Variants in ZFAND3 observed in about 807,000 individuals in gnomAD.
The protein encoded by ZFAND3 is AN1-type zinc finger protein 3.
In ZFAND3, 10 loss-of-function variants were observed where a neutral mutation model predicts 29.6. That is an observed-to-expected ratio of 0.34 (90% confidence interval 0.21 to 0.57). The LOEUF (loss-of-function observed/expected upper bound fraction) is 0.57, where lower values mean the gene tolerates loss of function less well. Ranked by LOEUF, ZFAND3 falls within the 20% of genes least tolerant of loss-of-function variation. ZFAND3 has a pLI of 0.86. For synonymous variants in ZFAND3, 128 were observed against 112.6 expected (o/e 1.14, Z -0.87); for missense variants, 230 against 304.5 (o/e 0.76, Z 1.82).
intron 4 of ZFAND3, among the ~76,000 whole-genome samples, chr6:38,086,352 C>T (rs1326957978): frequency 6.6e-6 from 1 of 152,168 alleles, no homozygotes; most frequent in Non-Finnish European, 1.5e-5. Flanking sequence ...TCCCACTCCA[C>T]CCCACCCCTA....
At chr6:38,066,481 G>T (rs569293041) in intron 3 of ZFAND3, among the ~76,000 whole-genome samples, 1 of 152,358 alleles carries the variant, frequency 6.6e-6, no homozygotes, top group African/African-American at 2.4e-5. Flanking sequence ...GAAGTAAGAT[G>T]TAGCAGTTGT....
At chr6:38,090,689 T>TC (rs1340262656) in intron 4 of ZFAND3, among the ~76,000 whole-genome samples, 1 of 152,202 alleles carries the variant, frequency 6.6e-6, no homozygotes, top group Admixed American at 6.5e-5. Context: ...CTAATTGCTT[T>TC]CCCTTGGGTT....
intron 5 of ZFAND3, among the ~76,000 whole-genome samples, chr6:38,140,192 T>C (rs1027569547): frequency 1.3e-5 from 2 of 152,252 alleles, no homozygotes; most frequent in East Asian, 1.9e-4. Context: ...TACACAGATA[T>C]GGAGCTCCAA....
intron 2 of ZFAND3, among the ~76,000 whole-genome samples, chr6:37,980,117 T>C (rs1038296122): frequency 2.0e-5 from 3 of 151,888 alleles, no homozygotes; most frequent in Non-Finnish European, 4.4e-5. Context: ...GCCAAGACAA[T>C]TGTAGGGCTG....
chr6:37,829,202 CCTG>C lies in ZFAND3; in HGVS notation c.71+9187_71+9189del, dbSNP rs1374671284. 2.6e-5 allele frequency among the ~76,000 whole-genome samples: 4 copies of C among 151,416 alleles called. 1 individual carries two copies. The highest frequency in any genetic ancestry group is 2.9e-5 in the Non-Finnish European group (2 of 67,936). On this transcript the variant is annotated intron_variant, in intron 1 of 5. Transcript: ENST00000287218. ...CCTGTAAATCGCCACTGCACTCCAG[CCTG>C]GGTAACATAATGAGGCTTTGTTGCT...
At chr6:38,119,700 C>A (rs138686334) in intron 5 of ZFAND3, among the ~76,000 whole-genome samples, 6 of 152,350 alleles carry the variant, frequency 3.9e-5, no homozygotes, top group Non-Finnish European at 5.9e-5. Context: ...GAATCCTCCG[C>A]CCCAGGGCTG....
chr6:38,126,938 A>G (rs1317435685), intron 5 of ZFAND3, among the ~76,000 whole-genome samples: 2 of 150,046 alleles, frequency 1.3e-5, no homozygotes, highest in Non-Finnish European at 3.0e-5. Context: ...TTTTTTTGCT[A>G]CCACTTAGAA....
intron 1 of ZFAND3, among the ~76,000 whole-genome samples, chr6:37,862,346 T>C (rs954346258): frequency 6.6e-6 from 1 of 152,078 alleles, no homozygotes; most frequent in African/African-American, 2.4e-5. Flanking sequence ...ATGTACATTT[T>C]GATATTTTCA....
At position 38,103,402 on chromosome 6, in the gene ZFAND3, T is replaced by C. The variant is rs7452628; in HGVS notation, c.362-13170T>C. Among the ~76,000 whole-genome samples the C allele has an allele frequency of 0.024, 3,488 of 147,536 alleles. 209 individuals are homozygous for C. In the East Asian group the frequency reaches 0.26, roughly 11 times the overall value. On this transcript the variant is annotated intron_variant, in intron 4 of 5. Coordinates refer to ENST00000287218, the MANE Select transcript of ZFAND3 (RefSeq NM_021943.3). The stretch of plus-strand genomic sequence containing the variant: ...ATATATATACACACACACATATATA[T>C]ACACACACACGTATATACACACACA...
chr6:38,019,111 C>G (rs1373304044), intron 2 of ZFAND3, among the ~76,000 whole-genome samples: 8 of 152,102 alleles, frequency 5.3e-5, no homozygotes, highest in Admixed American at 5.2e-4. Flanking sequence ...AGGCATCTGC[C>G]ACTACGCCCA....
chr6:38,144,227 A>ATTT (rs1766051946), intron 5 of ZFAND3, among the ~76,000 whole-genome samples: 1 of 80,136 alleles, frequency 1.2e-5, no homozygotes, highest in South Asian at 3.4e-4. Context: ...TAATATATAT[A>ATTT]TATATTTTTT....
At chr6:37,908,021 A>T (rs1765441473) in intron 1 of ZFAND3, among the ~76,000 whole-genome samples, 1 of 152,144 alleles carries the variant, frequency 6.6e-6, no homozygotes, top group African/African-American at 2.4e-5. Flanking sequence ...TGTCCCAAAA[A>T]TGTCTTCTGT....
At chr6:38,028,866 G>C (rs540173752) in intron 2 of ZFAND3, among the ~76,000 whole-genome samples, 1 of 152,238 alleles carries the variant, frequency 6.6e-6, no homozygotes, top group African/African-American at 2.4e-5. Context: ...TCTTTGTGAA[G>C]CAAGGCATGG....
chr6:38,108,635 A>G (rs1765254727), intron 4 of ZFAND3, among the ~76,000 whole-genome samples: 1 of 152,138 alleles, frequency 6.6e-6, no homozygotes, highest in Non-Finnish European at 1.5e-5. Context: ...GACTTATCCC[A>G]CCTTCTTCCT....
chr6:38,008,900 T>C (rs1763097619), intron 2 of ZFAND3, among the ~76,000 whole-genome samples: 1 of 152,202 alleles, frequency 6.6e-6, no homozygotes, highest in African/African-American at 2.4e-5. Context: ...CTAATGGATA[T>C]GTAAATATAT....
chr6:37,896,554 C>CTTTCTTTCTTTCTTTCTTTG (rs1554153843), intron 1 of ZFAND3, among the ~76,000 whole-genome samples: 40 of 137,698 alleles, frequency 2.9e-4, no homozygotes, highest in African/African-American at 1.1e-3. Flanking sequence ...TTCTTTCTTT[C>CTTTCTTTCTTTCTTTCTTTG]TTTCTTTCTT....
chr6:37,896,281 T>C (rs754609474), intron 1 of ZFAND3, among the ~76,000 whole-genome samples: 1 of 152,158 alleles, frequency 6.6e-6, no homozygotes, highest in Non-Finnish European at 1.5e-5. Context: ...TTAATTTTTA[T>C]CCAGTTATTT....
intron 5 of ZFAND3, among the ~76,000 whole-genome samples, chr6:38,131,735 A>G (rs1250002033): frequency 6.6e-6 from 1 of 152,186 alleles, no homozygotes; most frequent in Admixed American, 6.5e-5. Context: ...CACAGCCCCT[A>G]TTGGAGTATG....
intron 2 of ZFAND3, among the ~76,000 whole-genome samples, chr6:38,002,552 C>T (rs1191163062): frequency 6.6e-5 from 10 of 152,024 alleles, no homozygotes; most frequent in Admixed American, 6.6e-4. Context: ...GGTGTTGTGC[C>T]TGTAGTCCCA....
Sources: gnomAD v4.1 joint callset for allele counts (sites outside exome capture counted in the v4.1 genomes callset) on GRCh38, gnomAD v4.1.1 for gene constraint, MANE v1.5 for transcripts, NCBI Gene and HGNC (gene_info 2026-07-23, HGNC 2026-07-21) for gene names.